Variants in PRCP observed in about 807,000 individuals in gnomAD.
PRCP encodes prolylcarboxypeptidase, also known as lysosomal Pro-X carboxypeptidase.
Under a neutral mutation model 54.2 loss-of-function variants are expected in PRCP, and 46 were observed. That is an observed-to-expected ratio of 0.85 (90% CI 0.67 to 1.09). The LOEUF (loss-of-function observed/expected upper bound fraction) is 1.09. PRCP is among the 50% of genes least tolerant of loss of function. The pLI is 0.00. For synonymous variants in PRCP, 240 were observed against 212.2 expected, an observed-to-expected ratio of 1.13 and a Z score of -1.14; for missense variants, 613 against 596.8, an observed-to-expected ratio of 1.03 and a Z score of -0.28.
chr11:82,896,870 G>C (rs1860130995), intron 1 of PRCP, among the ~76,000 whole-genome samples: 1 of 151,984 alleles, frequency 6.6e-6, no homozygotes, highest in Non-Finnish European at 1.5e-5. Context: ...CTCTCATAGA[G>C]AGAGAAACAC....
chr11:82,901,035 C>A, upstream of PRCP: 1 of 381,230 alleles, frequency 2.6e-6, no homozygotes. Flanking sequence ...CAGAGAGGTG[C>A]GGGAACTTGC....
At chr11:82,882,652 C>T (rs1233047183) in intron 1 of PRCP, among the ~76,000 whole-genome samples, 2 of 150,366 alleles carry the variant, frequency 1.3e-5, no homozygotes, top group African/African-American at 2.5e-5. Context: ...CCCGCCACTA[C>T]GCCCGGCTAA....
intron 6 of PRCP, among the ~76,000 whole-genome samples, chr11:82,843,589 C>G (rs1232196211): frequency 1.1e-5 from 1 of 89,776 alleles, no homozygotes; most frequent in Non-Finnish European, 2.3e-5. Context: ...CCATCTCTGT[C>G]CAAAATACTC....
At chr11:82,859,070 A>G (rs755002245) in intron 2 of PRCP, among the ~76,000 whole-genome samples, 9 of 152,238 alleles carry the variant, frequency 5.9e-5, no homozygotes, top group Non-Finnish European at 1.0e-4. Context: ...TAGGGATAAT[A>G]CATAATTCAT....
At chr11:82,844,150 A>G (rs550256865) in intron 6 of PRCP, among the ~76,000 whole-genome samples, 1 of 152,312 alleles carries the variant, frequency 6.6e-6, no homozygotes, top group East Asian at 1.9e-4. Context: ...ACCAGATGCT[A>G]TGAAATACTC....
At chr11:82,831,480 A>C (rs1858380209) in intron 8 of PRCP, 1 of 152,230 alleles carries the variant, frequency 6.6e-6, no homozygotes, top group Non-Finnish European at 1.5e-5. Context: ...ACTCATTATT[A>C]TTCCTAACTA....
chr11:82,838,666 G>A, intron 7 of PRCP, 92 bp from the exon 8 acceptor site: 1 of 1,314,860 alleles, frequency 7.6e-7, no homozygotes, highest in Non-Finnish European at 1.0e-6. Context: ...GGTAAGTAGT[G>A]AAGGCAGGGT....
At chr11:82,850,093 GA>G (rs1030212776) in intron 4 of PRCP, 22 bp from the exon 5 acceptor site, 52 of 1,298,844 alleles carry the variant, frequency 4.0e-5, no homozygotes, top group Non-Finnish European at 4.5e-5. Context: ...GAAAATCAAA[GA>G]AAGAAAAAAG....
In PRCP at chr11:82,849,163, A is replaced by G; in HGVS notation, c.807T>C (p.Ser269=). 6.2e-7 allele frequency: 1 copy of G among 1,614,164 alleles called. No individual in the cohort carries two copies. The highest frequency in any genetic ancestry group is 2.2e-5 in the East Asian group (1 of 44,890). Residue 269 remains serine (S), a synonymous_variant, in exon 6 of 9, where the codon TCT becomes TCC. Transcript: ENST00000313010. The part of the protein sequence containing the change: ...GALHLCSPLT[S]QDIQHLKDWI... The stretch of plus-strand genomic sequence containing the variant: ...AGTCTTTCAAATGTTGGATGTCCTG[A>G]GAAGTTAATGGGCTGCATAAGTGAA...
chr11:82,849,052 G>A lies in PRCP; in HGVS notation c.918C>T (p.Ile306=). ...NFLQPLPAWP[I]KVVCQYLKNP... ...TGACAGGACATTTTCCTATTACCTT[G>A]ATAGGCCAAGCAGGCAAAGGCTGTA... Residue 306 remains isoleucine, a synonymous_variant, in exon 6 of 9, where the codon ATC becomes ATT. Transcript: ENST00000313010. 1 of 1,612,402 alleles carries A rather than the reference G, an allele frequency of 6.2e-7. No individual in the cohort carries two copies. The highest frequency in any genetic ancestry group is 1.7e-5 in the Admixed American group (1 of 59,764).
At chr11:82,864,165 T>G (rs914174884) in intron 1 of PRCP, among the ~76,000 whole-genome samples, 3 of 152,258 alleles carry the variant, frequency 2.0e-5, no homozygotes, top group African/African-American at 7.2e-5. Context: ...GATTAAGTTC[T>G]TCACAGAATT....
chr11:82,857,955 G>A (rs780124833), intron 2 of PRCP, among the ~76,000 whole-genome samples: 5 of 152,142 alleles, frequency 3.3e-5, no homozygotes, highest in South Asian at 2.1e-4. Flanking sequence ...GTACTGTGCC[G>A]CAAAATTTGC....
At chr11:82,884,879 C>G in intron 1 of PRCP, 1 of 1,613,606 alleles carries the variant, frequency 6.2e-7, no homozygotes, top group African/African-American at 1.3e-5. Context: ...TGCCCAGCAG[C>G]AAGGGCCTGC....
intron 1 of PRCP, among the ~76,000 whole-genome samples, chr11:82,888,740 A>G (rs1057264690): frequency 4.6e-5 from 7 of 152,212 alleles, no homozygotes; most frequent in African/African-American, 1.7e-4. Context: ...CATGCTCTCC[A>G]AAGGATGTGA....
intron 6 of PRCP, among the ~76,000 whole-genome samples, chr11:82,844,732 CAAA>C (rs11284339): frequency 1.1e-4 from 10 of 91,198 alleles, no homozygotes; most frequent in African/African-American, 2.4e-4. Context: ...GGCTCCGTCT[CAAA>C]AAAAAAAAAA....
At position 82,834,562 on chromosome 11, in the gene PRCP, T is replaced by C. The variant is rs1039716932; in HGVS notation, c.1274+3825A>G. Among the ~76,000 whole-genome samples the C allele has an allele frequency of 1.1e-4, 16 of 152,338 alleles. No homozygotes were observed. The East Asian group carries it at 1.3e-3, about 13-fold the overall frequency. On this transcript the variant is annotated intron_variant, in intron 8 of 8. Coordinates refer to ENST00000313010, the MANE Select transcript of PRCP (RefSeq NM_005040.4). ...AGGTATCCTGCTGGATGGAATACTATGCAGCCATAAAAAGGAATGAGATCA... is the reference window on the plus strand; with the variant it reads ...AGGTATCCTGCTGGATGGAATACTACGCAGCCATAAAAAGGAATGAGATCA...
intron 2 of PRCP, among the ~76,000 whole-genome samples, chr11:82,855,871 G>A (rs996540107): frequency 6.6e-6 from 1 of 152,192 alleles, no homozygotes; most frequent in African/African-American, 2.4e-5. Context: ...TGGTGAGGTT[G>A]TGGAGAAAGG....
At chr11:82,900,122 G>T in intron 1 of PRCP, 113 bp downstream of exon 1, 1 of 1,367,572 alleles carries the variant, frequency 7.3e-7, no homozygotes, top group Non-Finnish European at 1.0e-6. Flanking sequence ...AAACCGAACA[G>T]ATCCTAGGCA....
At chr11:82,862,201 G>A (rs1157718085) in intron 1 of PRCP, among the ~76,000 whole-genome samples, 1 of 151,872 alleles carries the variant, frequency 6.6e-6, no homozygotes, top group Non-Finnish European at 1.5e-5. Flanking sequence ...ATATTGTTTT[G>A]GCTACATAAG....
Sources: gnomAD v4.1 joint callset for allele counts (sites outside exome capture counted in the v4.1 genomes callset) on GRCh38, gnomAD v4.1.1 for gene constraint, MANE v1.5 for transcripts, NCBI Gene and HGNC (gene_info 2026-07-23, HGNC 2026-07-21) for gene names.